Variants in ITGB6 observed in about 807,000 individuals in gnomAD.
ITGB6 encodes the protein integrin beta-6.
Under a neutral mutation model 84.5 loss-of-function variants are expected in ITGB6, and 80 were observed. The ratio of observed to expected loss-of-function variants is 0.95; its 90% CI spans 0.79 to 1.14. The LOEUF (loss-of-function observed/expected upper bound fraction) is 1.14, where lower values mean the gene tolerates loss of function less well. ITGB6 is among the 50% of genes most tolerant of loss of function. The pLI is 0.00. For missense variants in ITGB6, 1,006 were observed against 968.0 expected (o/e 1.04, Z -0.52); for synonymous variants, 383 against 354.9 (o/e 1.08, Z -0.89).
At chr2:160,131,956 C>T (rs1169117596) in intron 10 of ITGB6, among the ~76,000 whole-genome samples, 1 of 152,132 alleles carries the variant, frequency 6.6e-6, no homozygotes. Flanking sequence ...GCATTTTATA[C>T]TGCCTTAGAT....
At chr2:160,144,769 C>T (rs1684129756) in intron 7 of ITGB6, among the ~76,000 whole-genome samples, 1 of 152,180 alleles carries the variant, frequency 6.6e-6, no homozygotes, top group South Asian at 2.1e-4. Flanking sequence ...TAAAACATAA[C>T]TATAATCCTG....
At chr2:160,106,698 A>G (rs1432462583) in intron 14 of ITGB6, among the ~76,000 whole-genome samples, 1 of 152,230 alleles carries the variant, frequency 6.6e-6, no homozygotes, top group African/African-American at 2.4e-5. Context: ...TGTACCATGT[A>G]TTATCATTAA....
chr2:160,133,399 A>C (rs980878152), intron 10 of ITGB6, among the ~76,000 whole-genome samples: 2 of 152,306 alleles, frequency 1.3e-5, no homozygotes, highest in South Asian at 2.1e-4. Flanking sequence ...GAGCACCTAG[A>C]TTCATAAAGA....
chr2:160,121,273 TC>T (rs34058834), intron 12 of ITGB6, among the ~76,000 whole-genome samples: 1 of 152,146 alleles, frequency 6.6e-6, no homozygotes, highest in Non-Finnish European at 1.5e-5. Flanking sequence ...TTCCAATTCC[TC>T]CCCTTGCCAT....
intron 12 of ITGB6, among the ~76,000 whole-genome samples, chr2:160,119,198 G>C (rs150252865): frequency 2.0e-5 from 3 of 152,042 alleles, no homozygotes; most frequent in African/African-American, 7.3e-5. Context: ...AAAAGAGCCC[G>C]CGTCACCAAG....
intron 10 of ITGB6, among the ~76,000 whole-genome samples, chr2:160,134,593 A>AAT (rs1683624723): frequency 6.6e-6 from 1 of 152,182 alleles, no homozygotes; most frequent in Non-Finnish European, 1.5e-5. Context: ...CCTGGCAGAG[A>AAT]CACAACTAAA....
chr2:160,164,637 A>G lies in ITGB6; in HGVS notation c.1017+4575T>C, dbSNP rs567892385. On this transcript the variant is annotated intron_variant, in intron 7 of 14. Transcript: ENST00000283249. ...CTTGAACCTGGGAGGCGGAGGGTGC[A>G]GTGAGCTGAGATCATGCCACTGCAC... is the stretch of plus-strand genomic sequence containing the variant. Among the ~76,000 whole-genome samples, 23 of 152,266 alleles carry G rather than the reference A, an allele frequency of 1.5e-4. No individual in the cohort carries two copies. The South Asian group carries it at 4.4e-3, about 29-fold the overall frequency.
Position 160,172,106 on chromosome 2 carries a change from G to A in ITGB6, c.921+463C>T, listed in dbSNP as rs572560849. Among the ~76,000 whole-genome samples the A allele has an allele frequency of 2.9e-4, 44 of 152,248 alleles. No homozygotes were observed. In the South Asian group the frequency reaches 3.7e-3, roughly 13 times the overall value. ...TGAATGTCACTAGCATTTTATAAAT[G>A]ACAAAAAATAAGCCAAAGGTTAACA... On this transcript the variant is annotated intron_variant, in intron 6 of 14. Coordinates refer to ENST00000283249, the MANE Select transcript of ITGB6 (RefSeq NM_000888.5).
In ITGB6 at chr2:160,200,128, C is replaced by T. The variant is rs1001495010; in HGVS notation, c.-65G>A. 1.6e-5 allele frequency: 20 copies of T among 1,218,912 alleles called. 1 individual carries two copies. The highest frequency in any genetic ancestry group is 1.2e-4 in the South Asian group (10 of 81,086). The allele number at this position is 1,218,912 out of a possible 1,614,324, so 75.5% of individuals were successfully genotyped here. On this transcript the variant is annotated 5_prime_UTR_variant, in exon 1 of 15. Coordinates refer to ENST00000283249, the MANE Select transcript of ITGB6 (RefSeq NM_000888.5). ...ATTACCTTCAGCGTTACAAGACCAA[C>T]GCTGAATATCGTTAAAGTCTTTCTT...
intron 4 of ITGB6, 79 bp from the exon 5 acceptor site, chr2:160,174,218 A>G (rs151084678): frequency 9.5e-7 from 1 of 1,057,664 alleles, no homozygotes; most frequent in East Asian, 2.6e-5. Context: ...GCTTAGCAAC[A>G]TTCTCCTAAA....
intron 11 of ITGB6, 151 bp from the exon 12 acceptor site, chr2:160,124,039 G>A: frequency 5.3e-6 from 3 of 568,012 alleles, no homozygotes; most frequent in Non-Finnish European, 6.2e-6. Context: ...GGATAGTAGG[G>A]TAATGTCCAA....
In ITGB6 at chr2:160,196,290, C is replaced by A. The variant is rs1450395230; in HGVS notation, c.272G>T (p.Ser91Ile). ...AGAACTATTTTTCTGTCTGCCTACA[C>A]TGAGAGGCTTATTTTTAAGTATTTC... ...QVEILKNKPL[S>I]VGRQKNSSDI... Residue 91 changes from serine (S) to isoleucine (I), a missense_variant, in exon 3 of 15, where the codon AGT becomes ATT. By Grantham distance (142) the Ser-to-Ile change is moderately radical (BLOSUM62 -2). Coordinates refer to ENST00000283249, the MANE Select transcript of ITGB6 (RefSeq NM_000888.5). The A allele has an allele frequency of 6.2e-7, 1 of 1,614,012 alleles. No homozygotes were observed. Among genetic ancestry groups the A allele is most frequent in the Admixed American group, 1.7e-5 (1 of 60,022 alleles).
At chr2:160,196,552 G>T (rs1243849338) in intron 2 of ITGB6, 132 bp from the exon 3 acceptor site, 2 of 685,702 alleles carry the variant, frequency 2.9e-6, no homozygotes, top group Non-Finnish European at 4.9e-6. Context: ...ATCCCTACAT[G>T]ACTAACATTG....
In ITGB6 at chr2:160,104,061, G is replaced by A. The variant is rs975358292; in HGVS notation, c.2269-2227C>T. Among the ~76,000 whole-genome samples, 4 of 152,102 alleles carry A rather than the reference G, an allele frequency of 2.6e-5. No homozygotes were observed. In the South Asian group the frequency reaches 8.3e-4, roughly 31 times the overall value. On this transcript the variant is annotated intron_variant, in intron 14 of 14. Coordinates refer to ENST00000283249, the MANE Select transcript of ITGB6 (RefSeq NM_000888.5). ...ATTTTGATGGCAGAGTTTTCATTCCGTATTTTAAAGCAACTTCATTCATTC... is the reference window on the plus strand; with the variant it reads ...ATTTTGATGGCAGAGTTTTCATTCCATATTTTAAAGCAACTTCATTCATTC...
At position 160,123,804 on chromosome 2, in the gene ITGB6, G is replaced by T. The variant is rs1202617342; in HGVS notation, c.1968C>A (p.Ile656=). ...VDKCKLAGAT[I]SEEEDFSKDG... is the part of the protein sequence containing the mutation. Reference sequence around the variant, plus strand: ...GACAAGCAGAACCTTCTTCTTCACTGATGGTCGCACCAGCTAGTTTGCACT... The same window carrying T: ...GACAAGCAGAACCTTCTTCTTCACTTATGGTCGCACCAGCTAGTTTGCACT... The change falls in exon 12 of 15, where the codon ATC becomes ATA. Residue 656 remains isoleucine, a synonymous_variant. Transcript: ENST00000283249. The T allele has an allele frequency of 6.2e-7, 1 of 1,613,446 alleles. No homozygotes were observed. The highest frequency in any genetic ancestry group is 1.7e-5 in the Admixed American group (1 of 60,018).
intron 7 of ITGB6, among the ~76,000 whole-genome samples, chr2:160,156,658 A>G (rs940775703): frequency 1.3e-5 from 2 of 152,108 alleles, no homozygotes; most frequent in Non-Finnish European, 2.9e-5. Flanking sequence ...TTCATTGTTC[A>G]CAGAAGTTCT....
intron 3 of ITGB6, 147 bp from the exon 4 acceptor site, chr2:160,195,762 TA>T: frequency 1.1e-6 from 1 of 887,920 alleles, no homozygotes; most frequent in East Asian, 2.7e-5. Context: ...GTCAAGATCC[TA>T]AAAGAACCAA....
In ITGB6 at chr2:160,126,391, CA is replaced by C. The variant is rs1683241675; in HGVS notation, c.1870del (p.Cys624ValfsTer28). On this transcript the variant is annotated frameshift_variant, in exon 11 of 15. Coordinates refer to ENST00000283249, the MANE Select transcript of ITGB6 (RefSeq NM_000888.5). LOFTEE classifies it high-confidence loss of function. ...GCAGAGACATTACCGTTTAGAGTTA[CA>C]GGGGTCACCACAGGTAGGACATCGT... ...CERCPTCGDP[C>X]NSKRSCIECH... is the part of the protein sequence containing the mutation. The C allele has an allele frequency of 6.2e-7, 1 of 1,613,944 alleles. No homozygotes were observed. Among genetic ancestry groups the C allele is most frequent in the Non-Finnish European group, 8.5e-7 (1 of 1,179,928 alleles).
chr2:160,147,064 A>G (rs942877652), intron 7 of ITGB6, among the ~76,000 whole-genome samples: 14 of 150,388 alleles, frequency 9.3e-5, no homozygotes, highest in African/African-American at 3.4e-4. Flanking sequence ...AGCCTGGGTG[A>G]CAGAGTGAGA....
Sources: gnomAD v4.1 joint callset for allele counts (sites outside exome capture counted in the v4.1 genomes callset) on GRCh38, gnomAD v4.1.1 for gene constraint, MANE v1.5 for transcripts, NCBI Gene and HGNC (gene_info 2026-07-23, HGNC 2026-07-21) for gene names.